The following CACNA2D2 variants were observed in gnomAD, a reference collection of about 807,000 sequenced individuals.
CACNA2D2 encodes calcium voltage-gated channel auxiliary subunit alpha2delta 2.
Under a neutral mutation model 166.4 loss-of-function variants are expected in CACNA2D2, and 48 were observed. The observed-to-expected ratio is 0.29, with a 90% CI of 0.23 to 0.37. The LOEUF (loss-of-function observed/expected upper bound fraction) is 0.37, where lower values mean the gene tolerates loss of function less well. CACNA2D2 is among the 10% of genes least tolerant of loss of function. The pLI is 1.00. For synonymous variants in CACNA2D2, 561 were observed against 573.7 expected, an observed-to-expected ratio of 0.98 and a Z score of 0.32; for missense variants, 1,122 against 1,433.0, an observed-to-expected ratio of 0.78 and a Z score of 3.50.
chr3:50,367,565 G>A lies in CACNA2D2; in HGVS notation c.2298-68C>T, dbSNP rs1424577725. On this transcript the variant is annotated intron_variant, in intron 26 of 37. Transcript: ENST00000424201. The surrounding 1 kb of genome is among the most constrained non-coding windows in gnomAD (Gnocchi z 6.5). The stretch of plus-strand genomic sequence containing the variant: ...GTCGGGGACAGTGGTCTCCACAGAT[G>A]CAAGGAGGCCTCTGGGCAGAACAGA... 6.2e-7 allele frequency: 1 copy of A among 1,600,600 alleles called. No homozygotes were observed. The highest frequency in any genetic ancestry group is 2.3e-5 in the East Asian group (1 of 43,756).
chr3:50,495,149 C>T (rs1698672127), intron 1 of CACNA2D2, among the ~76,000 whole-genome samples: 1 of 152,204 alleles, frequency 6.6e-6, no homozygotes, highest in Non-Finnish European at 1.5e-5. Flanking sequence ...CATCTTGGGC[C>T]TCAGTTTCCG....
intron 1 of CACNA2D2, among the ~76,000 whole-genome samples, chr3:50,490,384 T>C (rs1171393043): frequency 6.6e-6 from 1 of 152,172 alleles, no homozygotes. Context: ...TTCTGTACCT[T>C]GGCTCAACTT....
chr3:50,455,474 C>T (rs530080513), intron 2 of CACNA2D2, among the ~76,000 whole-genome samples: 1 of 152,298 alleles, frequency 6.6e-6, no homozygotes, highest in Admixed American at 6.5e-5. Context: ...GCTCCTGCGG[C>T]GTGGAGAGAT....
chr3:50,503,320 CGCCGGGT>C lies in CACNA2D2; in HGVS notation c.97_103del (p.Thr33AlafsTer50). Reference sequence around the variant, plus strand: ...CGGGCGCGGGGGCCCGGACGTCGGGCGCCGGGTGCCGGGGCCAGGGTGGGGGCCGCAG... The same window carrying C: ...CGGGCGCGGGGGCCCGGACGTCGGGCGCCGGGGCCAGGGTGGGGGCCGCAG... On this transcript the variant is annotated frameshift_variant, in exon 1 of 38. Coordinates refer to ENST00000424201, the MANE Select transcript of CACNA2D2 (RefSeq NM_006030.4). LOFTEE classifies it high-confidence loss of function. 1.6e-6 allele frequency: 1 copy of C among 623,616 alleles called. No individual in the cohort carries two copies. Among genetic ancestry groups the C allele is most frequent in the Non-Finnish European group, 2.2e-6 (1 of 450,434 alleles). The allele number at this position is 623,616 out of a possible 1,614,324, so 38.6% of individuals were successfully genotyped here.
At chr3:50,456,480 T>C (rs1003378340) in intron 2 of CACNA2D2, among the ~76,000 whole-genome samples, 2 of 152,236 alleles carry the variant, frequency 1.3e-5, no homozygotes, top group African/African-American at 2.4e-5. Context: ...GTCTGGATCC[T>C]GTGTTCTGGC....
chr3:50,377,955 C>A, intron 15 of CACNA2D2, 53 bp downstream of exon 15: 1 of 1,577,554 alleles, frequency 6.3e-7, no homozygotes, highest in Non-Finnish European at 8.7e-7. Context: ...CCTGTGGGCA[C>A]ATCTCCGGGG....
At chr3:50,443,486 G>A (rs186689476) in intron 2 of CACNA2D2, among the ~76,000 whole-genome samples, 60 of 152,350 alleles carry the variant, frequency 3.9e-4, no homozygotes, top group African/African-American at 1.2e-3. Flanking sequence ...GAGTGGAGGT[G>A]CCTGTGGCAC....
intron 2 of CACNA2D2, among the ~76,000 whole-genome samples, chr3:50,447,196 C>T (rs909381915): frequency 1.1e-4 from 16 of 152,196 alleles, no homozygotes; most frequent in Non-Finnish European, 1.8e-4. Flanking sequence ...CGACCCTCAC[C>T]GGGAACTCAC....
At position 50,375,735 on chromosome 3, in the gene CACNA2D2, G is replaced by A. The variant is rs1198777969; in HGVS notation, c.1846-30C>T. The A allele has an allele frequency of 1.2e-6, 2 of 1,612,920 alleles. No individual in the cohort carries two copies. The highest frequency in any genetic ancestry group is 2.7e-5 in the African/African-American group (2 of 74,896). On this transcript the variant is annotated intron_variant, in intron 20 of 37. Coordinates refer to ENST00000424201, the MANE Select transcript of CACNA2D2 (RefSeq NM_006030.4). This position sits in a 1 kb window ranked among gnomAD's most constrained non-coding sequence, Gnocchi z 4.0. ...GAGAGGAGGCTGGGTCAGGTACTTGGGCTAGCAGGCAGGGGGCGCTGGGGT... is the reference window on the plus strand; with the variant it reads ...GAGAGGAGGCTGGGTCAGGTACTTGAGCTAGCAGGCAGGGGGCGCTGGGGT...
intron 1 of CACNA2D2, among the ~76,000 whole-genome samples, chr3:50,501,007 C>A (rs1409576246): frequency 1.3e-5 from 2 of 152,170 alleles, no homozygotes; most frequent in East Asian, 3.9e-4. Flanking sequence ...AGGGGCCTTC[C>A]CCACTGAGGG....
rs148184325 is a variant in CACNA2D2, at chr3:50,490,331, G to A, written c.206+12887C>T. On this transcript the variant is annotated intron_variant, in intron 1 of 37. Transcript: ENST00000424201. ...CTCAGTGCCCCCTTGCTGGGCAGAG[G>A]GTGAGGATCCTGTGTTTATCTTCCT... 2.6e-3 allele frequency among the ~76,000 whole-genome samples: 398 copies of A among 152,278 alleles called. 1 individual carries two copies. The highest frequency in any genetic ancestry group is 6.1e-3 in the Admixed American group (94 of 15,300).
At chr3:50,468,829 CTTT>C (rs5848893) in intron 2 of CACNA2D2, among the ~76,000 whole-genome samples, 2 of 133,072 alleles carry the variant, frequency 1.5e-5, no homozygotes, top group Non-Finnish European at 1.6e-5. Context: ...CCTTCTCTCT[CTTT>C]TTTTTTTTTT....
rs139997397 is a variant in CACNA2D2, at chr3:50,368,200, T to G, written c.2081A>C (p.Asn694Thr). 42 of 1,613,580 alleles carry G rather than the reference T, an allele frequency of 2.6e-5. No individual in the cohort carries two copies. Among genetic ancestry groups the G allele is most frequent in the African/African-American group, 9.3e-5 (7 of 74,886 alleles). Residue 694 changes from asparagine to threonine, a missense_variant, in exon 24 of 38, where the codon AAC (asparagine) becomes ACC (threonine). This residue lies in a region of CACNA2D2 where 840 missense variants were observed against 1,166.8 expected (regional missense o/e 0.72). Coordinates refer to ENST00000424201, the MANE Select transcript of CACNA2D2 (RefSeq NM_006030.4). ...AATAAAGTTTTTCAGGAACTCGGTG[T>G]TGTTGTCTGAGGCATTCAGGTCCTT... ...YCKDLNASDNNTEFLKNFIEL... is the reference protein window; with the variant it reads ...YCKDLNASDNTTEFLKNFIEL...
chr3:50,450,806 C>T (rs998652372), intron 2 of CACNA2D2, among the ~76,000 whole-genome samples: 4 of 152,110 alleles, frequency 2.6e-5, no homozygotes, highest in African/African-American at 7.2e-5. Context: ...ATCCGCAAGA[C>T]GCCCGCCGAC....
At chr3:50,462,855 T>G (rs1322000619) in intron 2 of CACNA2D2, among the ~76,000 whole-genome samples, 1 of 150,090 alleles carries the variant, frequency 6.7e-6, no homozygotes, top group South Asian at 2.1e-4. Flanking sequence ...TTGAAAACCC[T>G]AAATTTAAAA....
At chr3:50,421,589 C>T (rs1377527954) in intron 3 of CACNA2D2, among the ~76,000 whole-genome samples, 1 of 152,134 alleles carries the variant, frequency 6.6e-6, no homozygotes, top group Non-Finnish European at 1.5e-5. Flanking sequence ...GCACTCCTCC[C>T]ACCCCATGGT....
At chr3:50,434,466 G>C in intron 2 of CACNA2D2, 37 bp from the exon 3 acceptor site, 3 of 1,480,650 alleles carry the variant, frequency 2.0e-6, no homozygotes, top group Non-Finnish European at 2.8e-6. Flanking sequence ...AGACCAGGTG[G>C]TCCCACGTCC....
rs1698490315 is a variant in CACNA2D2, at chr3:50,490,821, G to A, written c.206+12397C>T. On this transcript the variant is annotated intron_variant, in intron 1 of 37. Coordinates refer to ENST00000424201, the MANE Select transcript of CACNA2D2 (RefSeq NM_006030.4). ...AGTCCCTGAGCAGCCAGGCAGCAAGGTCTATTTCAGGACAAGAATAGGGAG... is the reference window on the plus strand; with the variant it reads ...AGTCCCTGAGCAGCCAGGCAGCAAGATCTATTTCAGGACAAGAATAGGGAG... Among the ~76,000 whole-genome samples the A allele has an allele frequency of 2.6e-5, 4 of 152,210 alleles. No homozygotes were observed. The South Asian group carries it at 6.2e-4, about 24-fold the overall frequency.
intron 3 of CACNA2D2, among the ~76,000 whole-genome samples, chr3:50,402,538 T>G (rs2106765435): frequency 6.6e-6 from 1 of 152,352 alleles, no homozygotes; most frequent in Non-Finnish European, 1.5e-5. Flanking sequence ...GGTCCACATT[T>G]GAACTGTGGC....
Sources: allele counts gnomAD v4.1 joint callset (sites outside exome capture counted in the v4.1 genomes callset), GRCh38; gene constraint gnomAD v4.1.1; regional missense constraint gnomAD v4.1.1; non-coding constraint Gnocchi (gnomAD v3.1); transcripts MANE v1.5; gene names NCBI Gene and HGNC (gene_info 2026-07-23, HGNC 2026-07-21).